MACROD2: variants seen among roughly 807,000 people sequenced by gnomAD.
The protein encoded by MACROD2 is mono-ADP ribosylhydrolase 2, also known as ADP-ribose glycohydrolase MACROD2.
Under a neutral mutation model 70.4 loss-of-function variants are expected in MACROD2, and 36 were observed. That is an observed-to-expected ratio of 0.51 (90% CI 0.39 to 0.68). The LOEUF (loss-of-function observed/expected upper bound fraction) is 0.68, where lower values mean the gene tolerates loss of function less well. Ranked by LOEUF, MACROD2 falls within the 30% of genes least tolerant of loss-of-function variation. The pLI, the probability that MACROD2 is intolerant of heterozygous loss-of-function variation, is 0.00. For missense variants in MACROD2, 496 were observed against 538.4 expected (o/e 0.92, Z 0.78); for synonymous variants, 172 against 178.8 (o/e 0.96, Z 0.30).
chr20:15,958,649 A>G (rs1375393756), intron 12 of MACROD2, among the ~76,000 whole-genome samples: 1 of 152,294 alleles, frequency 6.6e-6, no homozygotes, highest in Non-Finnish European at 1.5e-5. Flanking sequence ...GCACAAATGC[A>G]TATGTCAGTG....
chr20:15,350,294 G>C (rs1312445754), intron 6 of MACROD2, among the ~76,000 whole-genome samples: 4 of 152,154 alleles, frequency 2.6e-5, no homozygotes, highest in Non-Finnish European at 5.9e-5. Flanking sequence ...CATTTACATA[G>C]GCTAATAGGG....
At chr20:15,870,050 C>T (rs558826517) in intron 9 of MACROD2, among the ~76,000 whole-genome samples, 18 of 151,952 alleles carry the variant, frequency 1.2e-4, no homozygotes, top group South Asian at 1.0e-3. Flanking sequence ...ATTTTTAAAA[C>T]GAAACAAATC....
At chr20:15,574,215 A>AT (rs201593391) in intron 8 of MACROD2, among the ~76,000 whole-genome samples, 6,657 of 151,618 alleles carry the variant, frequency 0.044, 179 homozygotes, top group African/African-American at 0.07. Flanking sequence ...TGTCATAATG[A>AT]TTTTTTTTTA....
intron 7 of MACROD2, among the ~76,000 whole-genome samples, chr20:15,466,840 T>C (rs1216315557): frequency 6.6e-6 from 1 of 152,212 alleles, no homozygotes; most frequent in African/African-American, 2.4e-5. Context: ...TCCTAAAGAC[T>C]CTTTAAGGTT....
At chr20:14,184,317 G>A (rs2081327602) in intron 3 of MACROD2, among the ~76,000 whole-genome samples, 1 of 151,734 alleles carries the variant, frequency 6.6e-6, no homozygotes, top group South Asian at 2.1e-4. Flanking sequence ...TTTTGTCAGG[G>A]TTGAAGATCA....
At chr20:15,598,283 C>CG (rs2048772514) in intron 8 of MACROD2, among the ~76,000 whole-genome samples, 2 of 152,116 alleles carry the variant, frequency 1.3e-5, no homozygotes, top group Non-Finnish European at 2.9e-5. Context: ...ATCTTTAAGA[C>CG]ACTTCATTTC....
chr20:15,078,774 G>T (rs970854984), intron 5 of MACROD2, among the ~76,000 whole-genome samples: 2 of 151,038 alleles, frequency 1.3e-5, no homozygotes, highest in African/African-American at 4.9e-5. Flanking sequence ...AGCCTCTCGA[G>T]TAGCTGGGAC....
At chr20:16,037,775 T>C (rs1213538913) in intron 15 of MACROD2, among the ~76,000 whole-genome samples, 1 of 151,934 alleles carries the variant, frequency 6.6e-6, no homozygotes, top group Non-Finnish European at 1.5e-5. Flanking sequence ...TTATTTTGTA[T>C]GTTTATTTCT....
intron 8 of MACROD2, among the ~76,000 whole-genome samples, chr20:15,860,101 C>T (rs2064404999): frequency 6.6e-6 from 1 of 152,076 alleles, no homozygotes; most frequent in Admixed American, 6.5e-5. Flanking sequence ...CGCCACTGCC[C>T]TCCAACCTGG....
At chr20:14,881,069 T>C (rs1055788690) in intron 5 of MACROD2, among the ~76,000 whole-genome samples, 8 of 152,086 alleles carry the variant, frequency 5.3e-5, no homozygotes, top group African/African-American at 1.4e-4. Flanking sequence ...TGGCCTACCC[T>C]GAGGAGGGAA....
At chr20:14,818,428 C>A (rs1268891607) in intron 5 of MACROD2, among the ~76,000 whole-genome samples, 1 of 152,070 alleles carries the variant, frequency 6.6e-6, no homozygotes, top group Non-Finnish European at 1.5e-5. Context: ...TCTGAGTACC[C>A]CCCTGAAGAT....
chr20:14,318,233 C>T (rs575245973), intron 3 of MACROD2, among the ~76,000 whole-genome samples: 2 of 152,278 alleles, frequency 1.3e-5, no homozygotes, highest in South Asian at 4.2e-4. Flanking sequence ...AGACTATCCT[C>T]CCTCCACTCC....
At chr20:15,549,052 G>C (rs1159401954) in intron 8 of MACROD2, among the ~76,000 whole-genome samples, 1 of 152,206 alleles carries the variant, frequency 6.6e-6, no homozygotes, top group African/African-American at 2.4e-5. Context: ...AAGCCCTTCA[G>C]ACTACAACTG....
intron 5 of MACROD2, among the ~76,000 whole-genome samples, chr20:15,219,333 A>G (rs1385019269): frequency 1.3e-5 from 2 of 152,194 alleles, no homozygotes; most frequent in Non-Finnish European, 2.9e-5. Context: ...AGGTGAGGAT[A>G]TTGACTGATC....
chr20:15,200,660 G>T (rs955016077), intron 5 of MACROD2, among the ~76,000 whole-genome samples: 2 of 152,166 alleles, frequency 1.3e-5, no homozygotes, highest in African/African-American at 2.4e-5. Flanking sequence ...ATGGCACAAG[G>T]CATGATCCCG....
intron 4 of MACROD2, among the ~76,000 whole-genome samples, chr20:14,502,056 C>T (rs1162396754): frequency 6.6e-6 from 1 of 152,174 alleles, no homozygotes; most frequent in Non-Finnish European, 1.5e-5. Context: ...AAATATCTCT[C>T]ATCCCCAAAG....
chr20:15,644,328 G>A (rs997415667), intron 8 of MACROD2, among the ~76,000 whole-genome samples: 2 of 152,016 alleles, frequency 1.3e-5, no homozygotes, highest in South Asian at 4.2e-4. Flanking sequence ...CTCTCTGCAG[G>A]GATCTTTGGT....
intron 4 of MACROD2, among the ~76,000 whole-genome samples, chr20:14,552,382 A>G (rs548128123): frequency 6.6e-6 from 1 of 151,262 alleles, no homozygotes; most frequent in South Asian, 2.1e-4. Context: ...GAAAAGTAGC[A>G]AATGACCACC....
At chr20:16,006,066 C>T (rs2066783725) in intron 15 of MACROD2, among the ~76,000 whole-genome samples, 1 of 152,140 alleles carries the variant, frequency 6.6e-6, no homozygotes, top group Admixed American at 6.5e-5. Context: ...AAAGCCAATC[C>T]TGGAAGGCTA....
Sources: allele counts gnomAD v4.1 joint callset (sites outside exome capture counted in the v4.1 genomes callset), GRCh38; gene constraint gnomAD v4.1.1; transcripts MANE v1.5; gene names NCBI Gene and HGNC (gene_info 2026-07-23, HGNC 2026-07-21).